The following TMEM45A variants were observed in gnomAD, a reference collection of about 807,000 sequenced individuals.
TMEM45A encodes DNA polymerase-transactivated protein 4.
Under a neutral mutation model 32.0 loss-of-function variants are expected in TMEM45A, and 25 were observed. The ratio of observed to expected loss-of-function variants is 0.78; its 90% confidence interval spans 0.57 to 1.09. The LOEUF is 1.09. TMEM45A is among the 50% of genes least tolerant of loss of function. The pLI is 0.00. For missense variants in TMEM45A, 302 were observed against 325.0 expected, an observed-to-expected ratio of 0.93 and a Z score of 0.54; for synonymous variants, 122 against 114.8, an observed-to-expected ratio of 1.06 and a Z score of -0.40.
intron 1 of TMEM45A, among the ~76,000 whole-genome samples, chr3:100,513,219 A>G (rs1185232293): frequency 6.6e-6 from 1 of 151,670 alleles, no homozygotes; most frequent in Non-Finnish European, 1.5e-5. Context: ...CGATGCAAAA[A>G]TCCTCAATAA....
At chr3:100,563,087 G>GT (rs1257418042) in intron 4 of TMEM45A, among the ~76,000 whole-genome samples, 3 of 152,202 alleles carry the variant, frequency 2.0e-5, no homozygotes, top group Admixed American at 6.5e-5. Context: ...GGCAGGGTTG[G>GT]TTTTTTCTTG....
chr3:100,514,940 C>T (rs1708235189), intron 1 of TMEM45A, among the ~76,000 whole-genome samples: 1 of 149,476 alleles, frequency 6.7e-6, no homozygotes, highest in South Asian at 2.2e-4. Context: ...CCATCTCACA[C>T]CAGTTAGAAT....
chr3:100,551,366 A>G (rs1224594764), intron 1 of TMEM45A, among the ~76,000 whole-genome samples: 1 of 152,088 alleles, frequency 6.6e-6, no homozygotes, highest in African/African-American at 2.4e-5. Flanking sequence ...GAGGGTACGG[A>G]GGAAGGACCT....
At chr3:100,528,260 C>A (rs537102539) in intron 1 of TMEM45A, among the ~76,000 whole-genome samples, 1 of 152,158 alleles carries the variant, frequency 6.6e-6, no homozygotes, top group Non-Finnish European at 1.5e-5. Context: ...GGGAACCTTT[C>A]GCATCTCTAA....
At chr3:100,565,114 G>A (rs1706404887) in intron 4 of TMEM45A, among the ~76,000 whole-genome samples, 1 of 152,184 alleles carries the variant, frequency 6.6e-6, no homozygotes. Context: ...CAGCCATTTT[G>A]TAATACTAGG....
intron 1 of TMEM45A, among the ~76,000 whole-genome samples, chr3:100,547,869 A>C (rs1706010868): frequency 6.6e-6 from 1 of 152,200 alleles, no homozygotes; most frequent in African/African-American, 2.4e-5. Context: ...AGGTGATGCC[A>C]TATGACATTT....
chr3:100,533,505 C>T (rs1465293836), intron 1 of TMEM45A, among the ~76,000 whole-genome samples: 6 of 152,056 alleles, frequency 3.9e-5, no homozygotes, highest in Non-Finnish European at 8.8e-5. Context: ...TTCCTACACA[C>T]TCCTGTTTTT....
At chr3:100,571,421 G>A (rs1706556866) in intron 5 of TMEM45A, 1 of 151,464 alleles carries the variant, frequency 6.6e-6, no homozygotes, top group African/African-American at 2.4e-5. Context: ...ATTTAATATT[G>A]AAAAATTTAT....
chr3:100,570,410 G>A (rs1298960611), intron 5 of TMEM45A, among the ~76,000 whole-genome samples: 2 of 152,218 alleles, frequency 1.3e-5, no homozygotes, highest in Non-Finnish European at 2.9e-5. Flanking sequence ...CTAGCTCTCA[G>A]CTATCTCTGT....
At chr3:100,497,629 G>T (rs1048028651) in intron 1 of TMEM45A, among the ~76,000 whole-genome samples, 2 of 152,066 alleles carry the variant, frequency 1.3e-5, no homozygotes, top group African/African-American at 2.4e-5. Flanking sequence ...ACTATTCTAG[G>T]TACCTCATAT....
intron 5 of TMEM45A, chr3:100,573,925 A>G (rs944557424): frequency 3.9e-5 from 6 of 152,218 alleles, no homozygotes; most frequent in African/African-American, 1.4e-4. Flanking sequence ...ATGTTGAACC[A>G]GCCTTGCATC....
At chr3:100,536,441 A>G (rs1705741422) in intron 1 of TMEM45A, among the ~76,000 whole-genome samples, 1 of 152,228 alleles carries the variant, frequency 6.6e-6, no homozygotes. Context: ...TTCCTACACT[A>G]AAAGATAAGT....
intron 1 of TMEM45A, among the ~76,000 whole-genome samples, chr3:100,500,649 C>G (rs1299949289): frequency 6.6e-6 from 1 of 152,218 alleles, no homozygotes; most frequent in African/African-American, 2.4e-5. Flanking sequence ...CACCCATCAC[C>G]GCTTCTGAGC....
intron 5 of TMEM45A, among the ~76,000 whole-genome samples, chr3:100,575,364 T>A (rs1706660372): frequency 4.3e-4 from 6 of 13,980 alleles, no homozygotes; most frequent in East Asian, 0.015. Context: ...ATGGATTCTC[T>A]TTTTTTTTTT....
At chr3:100,541,018 C>A (rs754402834) in intron 1 of TMEM45A, among the ~76,000 whole-genome samples, 12 of 152,288 alleles carry the variant, frequency 7.9e-5, no homozygotes, top group Admixed American at 3.9e-4. Flanking sequence ...AATAGTCCCT[C>A]TGACTGGTAT....
At chr3:100,534,072 G>C (rs1381622691) in intron 1 of TMEM45A, among the ~76,000 whole-genome samples, 2 of 152,104 alleles carry the variant, frequency 1.3e-5, no homozygotes, top group Non-Finnish European at 2.9e-5. Context: ...TGTCTCCCAG[G>C]CTGACTTGGA....
intron 1 of TMEM45A, among the ~76,000 whole-genome samples, chr3:100,530,917 C>A (rs1242507343): frequency 2.0e-5 from 3 of 152,038 alleles, no homozygotes; most frequent in African/African-American, 7.2e-5. Flanking sequence ...GATTGCATTC[C>A]CATGATATAA....
intron 1 of TMEM45A, among the ~76,000 whole-genome samples, chr3:100,543,852 G>A (rs769359699): frequency 2.0e-5 from 3 of 152,032 alleles, no homozygotes; most frequent in East Asian, 1.9e-4. Context: ...TATGAATCCC[G>A]GTTCCGTTAC....
chr3:100,548,330 A>C (rs947962737), intron 1 of TMEM45A, among the ~76,000 whole-genome samples: 6 of 152,186 alleles, frequency 3.9e-5, no homozygotes, highest in Admixed American at 1.3e-4. Flanking sequence ...TTGTCTCCAC[A>C]TGCTCATTCA....
Sources: allele counts gnomAD v4.1 joint callset (sites outside exome capture counted in the v4.1 genomes callset), GRCh38; gene constraint gnomAD v4.1.1; transcripts MANE v1.5; gene names NCBI Gene and HGNC (gene_info 2026-07-23, HGNC 2026-07-21).